COL6A3: variants seen among roughly 807,000 people sequenced by gnomAD.
COL6A3 encodes collagen type VI alpha 3 chain, also known as collagen alpha-3(VI) chain.
A neutral mutation model predicts 274.1 loss-of-function variants in COL6A3; 137 were observed. That is an observed-to-expected ratio of 0.50 (90% CI 0.44 to 0.58). The LOEUF is 0.58. COL6A3 is among the 20% of genes least tolerant of loss of function. The probability of loss-of-function intolerance (pLI) is 0.00; values close to 1 mark genes in which losing one functional copy is unlikely to be tolerated. For synonymous variants in COL6A3, 1,650 were observed against 1,650.6 expected (o/e 1.00, Z 0.01); for missense variants, 3,950 against 4,124.9 (o/e 0.96, Z 1.16).
At chr2:237,346,762 T>A (rs1253593358) in intron 31 of COL6A3, among the ~76,000 whole-genome samples, 197 bp from the exon 32 acceptor site, 1 of 151,690 alleles carries the variant, frequency 6.6e-6, no homozygotes, top group Non-Finnish European at 1.5e-5. Context: ...CCAATGGGAG[T>A]CCCCCACCAA....
At chr2:237,330,774 T>C (rs1677890262) in intron 42 of COL6A3, among the ~76,000 whole-genome samples, 2 of 152,228 alleles carry the variant, frequency 1.3e-5, no homozygotes, top group South Asian at 4.1e-4. Flanking sequence ...ACTGTCAAAA[T>C]GGGCAAACAT....
At chr2:237,341,261 G>A (rs1468395292) in intron 37 of COL6A3, 111 bp from the exon 38 acceptor site, 1 of 1,154,452 alleles carries the variant, frequency 8.7e-7, no homozygotes, top group Non-Finnish European at 1.3e-6. Context: ...AAGATCAAAA[G>A]CGGGCCGGAA....
intron 1 of COL6A3, among the ~76,000 whole-genome samples, chr2:237,404,522 G>T (rs147955536): frequency 6.6e-6 from 1 of 152,100 alleles, no homozygotes; most frequent in Non-Finnish European, 1.5e-5. Context: ...TAAAGCATTC[G>T]GCTTTGTAAT....
At position 237,359,035 on chromosome 2, in the gene COL6A3, C is replaced by T. The variant is rs781675126; in HGVS notation, c.6408G>A (p.Arg2136=). Residue 2136 remains arginine, a splice_region_variant and synonymous_variant, in exon 20 of 44, where the codon AGG becomes AGA. Coordinates refer to ENST00000295550, the MANE Select transcript of COL6A3 (RefSeq NM_004369.4). The part of the protein sequence containing the change: ...SSGEKGNPGR[R]GDKGPRGEKG... ...AGCACCACCGTGGAAATACACCTACCCTTCTTCCAGGATTCCCTTTCTCTC... is the reference window on the plus strand; with the variant it reads ...AGCACCACCGTGGAAATACACCTACTCTTCTTCCAGGATTCCCTTTCTCTC... 3.1e-6 allele frequency: 5 copies of T among 1,613,728 alleles called. No homozygotes were observed. Among genetic ancestry groups the T allele is most frequent in the Middle Eastern group, 3.3e-4 (2 of 6,058 alleles).
Position 237,387,882 on chromosome 2 carries a change from C to T in COL6A3, c.1012G>A (p.Gly338Arg). The T allele has an allele frequency of 6.2e-7, 1 of 1,614,130 alleles. No individual in the cohort carries two copies. The highest frequency in any genetic ancestry group is 1.1e-5 in the South Asian group (1 of 91,068). Residue 338 changes from glycine to arginine, a missense_variant, in exon 4 of 44, where the codon GGG (glycine) becomes AGG (arginine). Gly to Arg is a moderately radical substitution (Grantham distance 125). Coordinates refer to ENST00000295550, the MANE Select transcript of COL6A3 (RefSeq NM_004369.4). ...FVVENHFTRAGGSRVEEGVPQ... is the reference protein window; with the variant it reads ...FVVENHFTRARGSRVEEGVPQ... ...ACCCCTTCCTCCACGCGGCTGCCCC[C>T]TGCCCGGGTGAAGTGGTTCTCCACC...
Position 237,344,273 on chromosome 2 carries a change from G to T in COL6A3, c.7668+77C>A. On this transcript the variant is annotated intron_variant, in intron 36 of 43. Coordinates refer to ENST00000295550, the MANE Select transcript of COL6A3 (RefSeq NM_004369.4). This position sits in a 1 kb window ranked among gnomAD's most constrained non-coding sequence, Gnocchi z 4.8. ...AGCTATGGGACATGAAGCCACAAAGGAGCATGGACGTGTCTGAGAACCTTC... is the reference window on the plus strand; with the variant it reads ...AGCTATGGGACATGAAGCCACAAAGTAGCATGGACGTGTCTGAGAACCTTC... 6.2e-7 allele frequency: 1 copy of T among 1,606,882 alleles called. No individual in the cohort carries two copies. The highest frequency in any genetic ancestry group is 1.3e-5 in the African/African-American group (1 of 74,920).
chr2:237,339,592 G>A (rs1158589354), intron 38 of COL6A3, among the ~76,000 whole-genome samples: 1 of 152,228 alleles, frequency 6.6e-6, no homozygotes. Flanking sequence ...TCTTTTGGGG[G>A]CCAGACCTTC....
Position 237,361,631 on chromosome 2 carries a change from T to C in COL6A3, c.6156+108A>G, listed in dbSNP as rs1410175652. The C allele has an allele frequency of 2.9e-6, 3 of 1,041,818 alleles. No individual in the cohort carries two copies. In the African/African-American group the frequency reaches 4.7e-5, roughly 16 times the overall value. The allele number at this position is 1,041,818 out of a possible 1,614,324, so 64.5% of individuals were successfully genotyped here. A position where few individuals can be genotyped will look rare whatever the true frequency, so the allele number is the denominator to read the frequency against. On this transcript the variant is annotated intron_variant, in intron 15 of 43. Transcript: ENST00000295550. The surrounding 1 kb of genome is among the most constrained non-coding windows in gnomAD (Gnocchi z 5.1). ...TTCTAACATAAGAAATGGTCTCTCG[T>C]CTCCTCCTTCATCTCCACACTCTTC...
At chr2:237,375,062 G>A (rs1482233780) in intron 7 of COL6A3, 42 bp from the exon 8 acceptor site, 3 of 1,610,470 alleles carry the variant, frequency 1.9e-6, no homozygotes, top group South Asian at 1.1e-5. Context: ...GGACATCAGA[G>A]CAGCAATTTC....
chr2:237,406,296 G>C (rs1343354442), intron 1 of COL6A3, among the ~76,000 whole-genome samples: 1 of 152,114 alleles, frequency 6.6e-6, no homozygotes, highest in East Asian at 1.9e-4. Flanking sequence ...TTAAGAAAGA[G>C]ACACACACGC....
intron 1 of COL6A3, among the ~76,000 whole-genome samples, chr2:237,411,732 G>A (rs2078861701): frequency 1.3e-5 from 2 of 152,190 alleles, no homozygotes; most frequent in South Asian, 4.1e-4. Flanking sequence ...GAAGTGTGAA[G>A]TAAAGACAAT....
chr2:237,359,484 T>C (rs554276632), intron 17 of COL6A3, 96 bp from the exon 18 acceptor site: 2 of 1,264,666 alleles, frequency 1.6e-6, no homozygotes, highest in East Asian at 2.3e-5. Flanking sequence ...CTCCACCCCA[T>C]TTGAATGTTG....
rs116794756 is a variant in COL6A3 at position 237,381,334 on chromosome 2, A to G, written c.1478T>C (p.Val493Ala). The change falls in exon 5 of 44, where the codon GTG becomes GCG. Residue 493 changes from valine to alanine, a missense_variant. This residue lies in a region of COL6A3 where 1,934 missense variants were observed against 1,984.3 expected (regional missense o/e 0.97). Transcript: ENST00000295550. ...QVAVAQYADT[V>A]RPEFYFNTHP... ...GGTATTGAAATAAAATTCAGGCCTC[A>G]CAGTGTCTGCATACTGGGCCACTGC... 4.5e-4 allele frequency: 722 copies of G among 1,614,208 alleles called. 5 individuals carry two copies. The East Asian group carries it at 0.012, about 28-fold the overall frequency.
rs1574932600 is a variant in COL6A3, at chr2:237,336,626, C to T, written c.8568-94G>A. On this transcript the variant is annotated intron_variant, in intron 39 of 43. Coordinates refer to ENST00000295550, the MANE Select transcript of COL6A3 (RefSeq NM_004369.4). ...ATGAGCTACATTAAATTTGTTTTAG[C>T]AAAATGCATGCAATAGTTTTTATAG... The T allele has an allele frequency of 3.0e-6, 4 of 1,314,826 alleles. No individual in the cohort carries two copies. The East Asian group carries it at 9.3e-5, about 30-fold the overall frequency. 81.4% of individuals were successfully genotyped at this position (1,314,826 alleles called of 1,614,324 possible).
rs758178616 is a variant in COL6A3 at position 237,374,663 on chromosome 2, C to T, written c.3428G>A (p.Arg1143Lys). The T allele has an allele frequency of 6.2e-7, 1 of 1,614,086 alleles. No homozygotes were observed. The highest frequency in any genetic ancestry group is 8.5e-7 in the Non-Finnish European group (1 of 1,179,970). Residue 1143 changes from arginine to lysine, a missense_variant, in exon 8 of 44, where the codon AGG becomes AAG. Arg to Lys is a conservative substitution (Grantham distance 26). Transcript: ENST00000295550. The surrounding 1 kb of genome is among the most constrained non-coding windows in gnomAD (Gnocchi z 4.8). Reference protein sequence around the residue: ...PQLLIVLTADRSGDDVRNPSV... With the variant: ...PQLLIVLTADKSGDDVRNPSV... ...GGGGTTCCGCACATCATCCCCAGAC[C>T]TGTCGGCCGTGAGGACGATCAGCAG...
chr2:237,386,555 CAG>C (rs1216397626), intron 4 of COL6A3: 1 of 152,158 alleles, frequency 6.6e-6, no homozygotes, highest in Admixed American at 6.5e-5. Context: ...AGATGATAAT[CAG>C]AGTCTTATAG....
intron 8 of COL6A3, among the ~76,000 whole-genome samples, chr2:237,373,301 G>A (rs992678964): frequency 6.6e-6 from 1 of 152,202 alleles, no homozygotes; most frequent in South Asian, 2.1e-4. Context: ...GCCTCCTGCA[G>A]GCAGATACAT....
chr2:237,348,142 T>C (rs2077132506), intron 30 of COL6A3, among the ~76,000 whole-genome samples: 1 of 152,188 alleles, frequency 6.6e-6, no homozygotes, highest in Admixed American at 6.5e-5. Context: ...TATTTAAATC[T>C]CATAAACACC....
Position 237,350,763 on chromosome 2 carries a change from T to C in COL6A3, c.6816+367A>G, listed in dbSNP as rs566216146. 2.1e-4 allele frequency among the ~76,000 whole-genome samples: 32 copies of C among 152,310 alleles called. No homozygotes were observed. In the South Asian group the frequency reaches 5.8e-3, roughly 28 times the overall value. ...CTGCCCATGTTTAAAGACTGCTCGT[T>C]CCATATTATACTGAAACTGTACCAA... On this transcript the variant is annotated intron_variant, in intron 27 of 43. Transcript: ENST00000295550.
Sources: allele counts gnomAD v4.1 joint callset (sites outside exome capture counted in the v4.1 genomes callset), GRCh38; gene constraint gnomAD v4.1.1; regional missense constraint gnomAD v4.1.1; non-coding constraint Gnocchi (gnomAD v3.1); transcripts MANE v1.5; gene names NCBI Gene and HGNC (gene_info 2026-07-23, HGNC 2026-07-21).